The following MNS1 variants were observed in gnomAD, a reference collection of about 807,000 sequenced individuals.
The protein encoded by MNS1 is meiosis-specific nuclear structural protein 1.
Under a neutral mutation model 72.0 loss-of-function variants are expected in MNS1, and 63 were observed. The observed-to-expected ratio is 0.87, with a 90% CI of 0.71 to 1.08. MNS1 has a LOEUF of 1.08. MNS1 is among the 50% of genes least tolerant of loss of function. The pLI, the probability that MNS1 is intolerant of heterozygous loss-of-function variation, is 0.00. For missense variants in MNS1, 604 were observed against 562.4 expected, an observed-to-expected ratio of 1.07 and a Z score of -0.75; for synonymous variants, 188 against 172.1, an observed-to-expected ratio of 1.09 and a Z score of -0.72.
intron 3 of MNS1, among the ~76,000 whole-genome samples, chr15:56,452,551 C>G (rs1462013849): frequency 6.7e-6 from 1 of 148,158 alleles, no homozygotes; most frequent in African/African-American, 2.5e-5. Flanking sequence ...CAGAGTCTCT[C>G]TCTGTCGCCC....
intron 4 of MNS1, chr15:56,446,086 A>C (rs1813726498): frequency 2.0e-5 from 3 of 151,962 alleles, no homozygotes; most frequent in Admixed American, 2.0e-4. Flanking sequence ...ATCTATTCTT[A>C]ATTGATACCC....
At chr15:56,429,408 T>C in intron 9 of MNS1, 1 of 422,276 alleles carries the variant, frequency 2.4e-6, no homozygotes, top group South Asian at 3.1e-5. Context: ...TTCTGATTTA[T>C]CAGCTCTAGT....
At chr15:56,448,141 T>C (rs1261059368) in intron 3 of MNS1, among the ~76,000 whole-genome samples, 1 of 152,240 alleles carries the variant, frequency 6.6e-6, no homozygotes, top group Non-Finnish European at 1.5e-5. Flanking sequence ...TCACAGGCTT[T>C]CATTTCTCTT....
At chr15:56,431,603 T>C in intron 8 of MNS1, 105 bp from the exon 9 acceptor site, 1 of 1,040,094 alleles carries the variant, frequency 9.6e-7, no homozygotes, top group East Asian at 2.7e-5. Flanking sequence ...TGATGAACTA[T>C]TTATGACACT....
intron 3 of MNS1, among the ~76,000 whole-genome samples, chr15:56,455,951 A>C (rs542103892): frequency 1.9e-4 from 29 of 152,232 alleles, no homozygotes; most frequent in African/African-American, 7.0e-4. Context: ...ATTAATTTTA[A>C]AACAATGGGG....
intron 2 of MNS1, among the ~76,000 whole-genome samples, chr15:56,461,867 A>C (rs1242536176): frequency 6.6e-6 from 1 of 151,922 alleles, no homozygotes; most frequent in Non-Finnish European, 1.5e-5. Flanking sequence ...ATAGGTAGAC[A>C]CCAATGGAAG....
At chr15:56,432,358 G>A in intron 8 of MNS1, among the ~76,000 whole-genome samples, 1 of 152,108 alleles carries the variant, frequency 6.6e-6, no homozygotes, top group Non-Finnish European at 1.5e-5. Flanking sequence ...ACTACCTCCT[G>A]GGAAGTTTCA....
chr15:56,436,948 G>C (rs1469602179), intron 7 of MNS1, among the ~76,000 whole-genome samples: 3 of 152,100 alleles, frequency 2.0e-5, no homozygotes, highest in South Asian at 2.1e-4. Context: ...CTCTGAAATT[G>C]AGGCAATAAT....
chr15:56,463,027 CTT>C (rs1374612132), intron 2 of MNS1, among the ~76,000 whole-genome samples: 3 of 151,976 alleles, frequency 2.0e-5, no homozygotes, highest in Admixed American at 2.0e-4. Context: ...TTTAAATTTG[CTT>C]TTGTTATTCT....
intron 9 of MNS1, among the ~76,000 whole-genome samples, chr15:56,430,311 A>G (rs1259134774): frequency 2.0e-5 from 3 of 152,140 alleles, no homozygotes; most frequent in African/African-American, 7.2e-5. Flanking sequence ...GGCTCAAGCA[A>G]TCTTCCAACC....
chr15:56,428,943 G>GTATC lies in MNS1; in HGVS notation c.*154_*157dup. On this transcript the variant is annotated 3_prime_UTR_variant, in exon 10 of 10. Coordinates refer to ENST00000260453, the MANE Select transcript of MNS1 (RefSeq NM_018365.4). ...ATAACAGCTTGATTAAAATTAATTTGTATCTGATAATTGTTTACAAGTTAT... is the reference window on the plus strand; with the variant it reads ...ATAACAGCTTGATTAAAATTAATTTGTATCTATCTGATAATTGTTTACAAGTTAT... 1.8e-6 allele frequency: 1 copy of GTATC among 550,940 alleles called. No homozygotes were observed. Among genetic ancestry groups the GTATC allele is most frequent in the African/African-American group, 2.0e-5 (1 of 50,850 alleles). 34.1% of individuals were successfully genotyped at this position (550,940 alleles called of 1,614,324 possible).
Position 56,465,128 on chromosome 15 carries a change from G to C in MNS1, c.-156C>G, listed in dbSNP as rs2051051752. 1.6e-5 allele frequency: 14 copies of C among 879,662 alleles called. No homozygotes were observed. Among genetic ancestry groups the C allele is most frequent in the Admixed American group, 2.4e-5 (1 of 42,388 alleles). 54.5% of individuals were successfully genotyped at this position (879,662 alleles called of 1,614,324 possible). On this transcript the variant is annotated 5_prime_UTR_variant, in exon 1 of 10. Transcript: ENST00000260453. The stretch of plus-strand genomic sequence containing the variant: ...CGGTGGAGCTGCGCGCCCTCCGCTC[G>C]ACCAAAAGTGACCCACGCAGAACGT...
chr15:56,442,940 T>C (rs1209957217), intron 7 of MNS1, among the ~76,000 whole-genome samples: 1 of 152,102 alleles, frequency 6.6e-6, no homozygotes, highest in Non-Finnish European at 1.5e-5. Flanking sequence ...ACTCTGATTG[T>C]GGATTTGCCT....
chr15:56,429,078 T>C lies in MNS1; in HGVS notation c.*23A>G, dbSNP rs1233413041. 2.0e-6 allele frequency: 3 copies of C among 1,493,678 alleles called. No homozygotes were observed. Among genetic ancestry groups the C allele is most frequent in the Admixed American group, 3.9e-5 (2 of 51,438 alleles). The allele number at this position is 1,493,678 out of a possible 1,614,324, so 92.5% of individuals were successfully genotyped here. A position where few individuals can be genotyped will look rare whatever the true frequency, so the allele number is the denominator to read the frequency against. Reference sequence around the variant, plus strand: ...CTAGTGGTAACATGCAAAAAATCTATGCTTTACCCAATTTTGATGATATCA... The same window carrying C: ...CTAGTGGTAACATGCAAAAAATCTACGCTTTACCCAATTTTGATGATATCA... On this transcript the variant is annotated 3_prime_UTR_variant, in exon 10 of 10. Coordinates refer to ENST00000260453, the MANE Select transcript of MNS1 (RefSeq NM_018365.4).
At chr15:56,449,926 T>C (rs1802103372) in intron 3 of MNS1, among the ~76,000 whole-genome samples, 1 of 152,230 alleles carries the variant, frequency 6.6e-6, no homozygotes, top group Non-Finnish European at 1.5e-5. Flanking sequence ...ACTGGTTATT[T>C]GTGCATTCTC....
At position 56,464,212 on chromosome 15, in the gene MNS1, C is replaced by T. The variant is rs760979048; in HGVS notation, c.39G>A (p.Arg13=). Residue 13 remains arginine, a synonymous_variant, in exon 2 of 10, where the codon AGG becomes AGA. Transcript: ENST00000260453. ...AGTTTTCATCTACTAATTTCTGATG[C>T]CTTTCACTACAGCTCAAATTTCTCC... ...SKRRNLSCSE[R]HQKLVDENYC... 6.2e-7 allele frequency: 1 copy of T among 1,612,680 alleles called. No individual in the cohort carries two copies. Among genetic ancestry groups the T allele is most frequent in the South Asian group, 1.1e-5 (1 of 90,648 alleles).
intron 2 of MNS1, among the ~76,000 whole-genome samples, chr15:56,461,982 T>G (rs5016320): frequency 0.17 from 16,309 of 97,204 alleles, 1,050 homozygotes; most frequent in Admixed American, 0.2. Flanking sequence ...GTTGTTTTTT[T>G]TTTTTTTTTT....
At chr15:56,455,753 A>G (rs1029874034) in intron 3 of MNS1, among the ~76,000 whole-genome samples, 7 of 152,136 alleles carry the variant, frequency 4.6e-5, no homozygotes, top group African/African-American at 1.7e-4. Context: ...TATGGGGGCA[A>G]TTAAGGAATA....
intron 8 of MNS1, among the ~76,000 whole-genome samples, chr15:56,433,341 T>C (rs1386117493): frequency 6.6e-6 from 1 of 151,952 alleles, no homozygotes; most frequent in Non-Finnish European, 1.5e-5. Context: ...GACGGGTTGA[T>C]AGGTGCAGCA....
Sources: gnomAD v4.1 joint callset for allele counts (sites outside exome capture counted in the v4.1 genomes callset) on GRCh38, gnomAD v4.1.1 for gene constraint, MANE v1.5 for transcripts, NCBI Gene and HGNC (gene_info 2026-07-23, HGNC 2026-07-21) for gene names.